Variants in ELF2 observed in about 807,000 individuals in gnomAD.
ELF2 encodes the protein E74 like ETS transcription factor 2, also known as ETS-related transcription factor Elf-2.
In ELF2, 11 loss-of-function variants were observed where a neutral mutation model predicts 54.8. The ratio of observed to expected loss-of-function variants is 0.20; its 90% CI spans 0.13 to 0.33. The LOEUF (loss-of-function observed/expected upper bound fraction) is 0.33. Among genes scored for constraint, ELF2 ranks in the 10% least tolerant of loss-of-function variants. ELF2 has a pLI of 1.00. For missense variants in ELF2, 513 were observed against 703.0 expected (o/e 0.73, Z 3.06); for synonymous variants, 203 against 245.1 (o/e 0.83, Z 1.61).
chr4:139,125,838 A>ACAGAAAG (rs1471156536), intron 3 of ELF2, among the ~76,000 whole-genome samples: 1 of 151,832 alleles, frequency 6.6e-6, no homozygotes, highest in Non-Finnish European at 1.5e-5. Context: ...TAGAGAATCT[A>ACAGAAAG]CAGAAAGCAA....
At chr4:139,114,612 T>C (rs1735381014) in intron 4 of ELF2, among the ~76,000 whole-genome samples, 1 of 120,214 alleles carries the variant, frequency 8.3e-6, no homozygotes, top group African/African-American at 3.0e-5. Context: ...AGGAGCATGC[T>C]CAGCACTGAC....
intron 4 of ELF2, among the ~76,000 whole-genome samples, chr4:139,083,002 T>A (rs1010957602): frequency 2.6e-5 from 4 of 152,188 alleles, no homozygotes; most frequent in African/African-American, 7.2e-5. Context: ...TCCAATTCCA[T>A]GCGTACATTG....
At chr4:139,083,382 A>AG (rs1731444145) in intron 4 of ELF2, among the ~76,000 whole-genome samples, 1 of 152,178 alleles carries the variant, frequency 6.6e-6, no homozygotes, top group Non-Finnish European at 1.5e-5. Flanking sequence ...ACAACCCACG[A>AG]GGGAAGGGGC....
chr4:139,061,555 AACTT>A (rs1253752809), intron 8 of ELF2, among the ~76,000 whole-genome samples: 1 of 152,194 alleles, frequency 6.6e-6, no homozygotes, highest in Non-Finnish European at 1.5e-5. Flanking sequence ...AAAACAAACT[AACTT>A]TAGGAACCAT....
intron 4 of ELF2, among the ~76,000 whole-genome samples, chr4:139,092,461 CAT>C (rs1420529098): frequency 6.7e-6 from 1 of 149,108 alleles, no homozygotes; most frequent in Non-Finnish European, 1.5e-5. Context: ...CATAACATAA[CAT>C]AACATAACAT....
intron 1 of ELF2, among the ~76,000 whole-genome samples, chr4:139,149,368 TTGGGATGCCGAGGCAGG>T (rs1739614582): frequency 6.6e-6 from 1 of 152,166 alleles, no homozygotes; most frequent in Non-Finnish European, 1.5e-5. Flanking sequence ...TCCCATCACT[TTGGGATGCCGAGGCAGG>T]TGGATTGTGA....
intron 1 of ELF2, among the ~76,000 whole-genome samples, chr4:139,144,378 G>A (rs1739014851): frequency 6.6e-6 from 1 of 152,212 alleles, no homozygotes; most frequent in Non-Finnish European, 1.5e-5. Flanking sequence ...AGCTATTCCT[G>A]ATTCTGTGTC....
rs113800639 is a variant in ELF2 at position 139,058,407 on chromosome 4, GTA to G, written c.*574_*575del. On this transcript the variant is annotated 3_prime_UTR_variant, in exon 10 of 10. Coordinates refer to ENST00000686138, the MANE Select transcript of ELF2 (RefSeq NM_001331036.3). ...AGCTATATGATATATATATATGTAT[GTA>G]TATATATATATATATATATATAAAA... The G allele has an allele frequency of 0.65, 91,999 of 142,036 alleles. 29,820 individuals are homozygous for G. The highest frequency in any genetic ancestry group is 0.74 in the Admixed American group (10,425 of 14,040). The allele number at this position is 142,036 out of a possible 1,614,324, so 8.8% of individuals were successfully genotyped here.
intron 1 of ELF2, among the ~76,000 whole-genome samples, chr4:139,165,424 G>A (rs1489277063): frequency 2.0e-5 from 3 of 152,118 alleles, no homozygotes; most frequent in African/African-American, 7.2e-5. Flanking sequence ...AGCACTCTGG[G>A]AGGCCGAGGT....
chr4:139,167,844 A>G lies in ELF2; in HGVS notation c.-252+9123T>C, dbSNP rs1741876797. ...AACTGCAAACCAGGATGAGAAGTCG[A>G]TGGTTCCGCACTGTAGACAGGTTTT... On this transcript the variant is annotated intron_variant, in intron 1 of 9. Transcript: ENST00000686138. Among the ~76,000 whole-genome samples, 4 of 152,228 alleles carry G rather than the reference A, an allele frequency of 2.6e-5. No individual in the cohort carries two copies. The South Asian group carries it at 8.3e-4, about 31-fold the overall frequency.
intron 4 of ELF2, among the ~76,000 whole-genome samples, chr4:139,092,574 G>A (rs1223942531): frequency 6.6e-6 from 1 of 152,064 alleles, no homozygotes; most frequent in Admixed American, 6.6e-5. Context: ...CCTGGGCAAC[G>A]TGATGAAACC....
At chr4:139,085,868 G>A (rs141276894) in intron 4 of ELF2, among the ~76,000 whole-genome samples, 151 of 152,222 alleles carry the variant, frequency 9.9e-4, no homozygotes, top group Admixed American at 2.6e-3. Flanking sequence ...GGAGTTTCGG[G>A]TTGCAGTGAG....
At chr4:139,107,153 C>A (rs957886868) in intron 4 of ELF2, among the ~76,000 whole-genome samples, 1 of 151,906 alleles carries the variant, frequency 6.6e-6, no homozygotes, top group Non-Finnish European at 1.5e-5. Context: ...ACCCTATGGC[C>A]AAAAAGGTTC....
intron 4 of ELF2, among the ~76,000 whole-genome samples, chr4:139,112,258 T>C (rs1406578832): frequency 6.6e-6 from 1 of 152,244 alleles, no homozygotes; most frequent in Non-Finnish European, 1.5e-5. Context: ...GCCTGAATAA[T>C]TACTTCAGAT....
At chr4:139,104,402 C>G (rs1734207489) in intron 4 of ELF2, among the ~76,000 whole-genome samples, 1 of 150,162 alleles carries the variant, frequency 6.7e-6, no homozygotes, top group African/African-American at 2.5e-5. Context: ...CCCAGCTACT[C>G]AGGAGGCTGA....
chr4:139,142,386 A>G (rs958264573), intron 1 of ELF2, among the ~76,000 whole-genome samples: 23 of 148,814 alleles, frequency 1.5e-4, no homozygotes, highest in African/African-American at 5.3e-4. Context: ...AGCTGAAGTG[A>G]AGTGAGCAAG....
Position 139,145,618 on chromosome 4 carries a change from G to A in ELF2, c.-251-6121C>T, listed in dbSNP as rs188893596. On this transcript the variant is annotated intron_variant, in intron 1 of 9. Transcript: ENST00000686138. ...AAAACTACAGACCAATATCCCTGATGAACATAGATGTAAAAATCCTCAACA... is the reference window on the plus strand; with the variant it reads ...AAAACTACAGACCAATATCCCTGATAAACATAGATGTAAAAATCCTCAACA... Among the ~76,000 whole-genome samples the A allele has an allele frequency of 5.3e-5, 8 of 152,286 alleles. No homozygotes were observed. The East Asian group carries it at 1.5e-3, about 29-fold the overall frequency.
At chr4:139,098,809 A>G (rs1230275968) in intron 4 of ELF2, among the ~76,000 whole-genome samples, 1 of 152,226 alleles carries the variant, frequency 6.6e-6, no homozygotes, top group Non-Finnish European at 1.5e-5. Context: ...GTTATATATT[A>G]GCTGTTTCCA....
intron 4 of ELF2, among the ~76,000 whole-genome samples, chr4:139,092,147 A>C (rs1396299743): frequency 2.0e-5 from 3 of 151,584 alleles, no homozygotes; most frequent in Non-Finnish European, 2.9e-5. Context: ...GGATCACCCG[A>C]GGTCAGGAGT....
Sources: gnomAD v4.1 joint callset for allele counts (sites outside exome capture counted in the v4.1 genomes callset) on GRCh38, gnomAD v4.1.1 for gene constraint, MANE v1.5 for transcripts, NCBI Gene and HGNC (gene_info 2026-07-23, HGNC 2026-07-21) for gene names.